Variants in TXNDC5 observed in about 807,000 individuals in gnomAD.
TXNDC5 encodes the protein thioredoxin domain containing 5, also known as thioredoxin domain-containing protein 5.
Under a neutral mutation model 52.6 loss-of-function variants are expected in TXNDC5, and 44 were observed. The ratio of observed to expected loss-of-function variants is 0.84; its 90% confidence interval spans 0.66 to 1.08. The LOEUF is 1.08. Among genes scored for constraint, TXNDC5 ranks in the 50% least tolerant of loss-of-function variants. The pLI is 0.00. For synonymous variants in TXNDC5, 241 were observed against 234.4 expected (o/e 1.03, Z -0.26); for missense variants, 600 against 565.5 (o/e 1.06, Z -0.62).
Position 7,882,964 on chromosome 6 carries a change from TAATA to T in TXNDC5, c.*176_*179del, listed in dbSNP as rs1470697455. On this transcript the variant is annotated 3_prime_UTR_variant, in exon 10 of 10. Transcript: ENST00000379757. ...CACATTTACTTAGAGAAACTTAACT[TAATA>T]AAGAATCTGTAGAGTGTGTTGGCTT... 2 of 732,024 alleles carry T rather than the reference TAATA, an allele frequency of 2.7e-6. No individual in the cohort carries two copies. Among genetic ancestry groups the T allele is most frequent in the Admixed American group, 3.1e-5 (1 of 32,458 alleles). 45.3% of individuals were successfully genotyped at this position (732,024 alleles called of 1,614,324 possible). A position where few individuals can be genotyped will look rare whatever the true frequency, so the allele number is the denominator to read the frequency against.
In TXNDC5 at chr6:7,882,046, C is replaced by T. The variant is rs1759764428; in HGVS notation, c.*1098G>A. 1 of 152,674 alleles carries T rather than the reference C, an allele frequency of 6.5e-6. No individual in the cohort carries two copies. The highest frequency in any genetic ancestry group is 2.4e-5 in the African/African-American group (1 of 41,440). The allele number at this position is 152,674 out of a possible 1,614,324, so 9.5% of individuals were successfully genotyped here. ...GCTGCCACAGCCGTGCACACCAGGG[C>T]CAGAGCAGCCCACTGACATCTGTCT... On this transcript the variant is annotated 3_prime_UTR_variant, in exon 10 of 10. Transcript: ENST00000379757.
intron 2 of TXNDC5, among the ~76,000 whole-genome samples, chr6:7,900,552 C>T (rs989344646): frequency 6.6e-5 from 10 of 152,182 alleles, no homozygotes; most frequent in Non-Finnish European, 8.8e-5. Flanking sequence ...GCCCAATGTA[C>T]GGTATCAGAA....
rs886340581 is a variant in TXNDC5 at position 7,885,027 on chromosome 6, C to G, written c.1047-539G>C. On this transcript the variant is annotated intron_variant, in intron 8 of 9. Coordinates refer to ENST00000379757, the MANE Select transcript of TXNDC5 (RefSeq NM_030810.5). ...GTTCCCTTGTCTCTTCTGACCCCCT[C>G]CTGCCGTATGGATGGCTCCCCTTCA... 1.1e-4 allele frequency among the ~76,000 whole-genome samples: 16 copies of G among 152,204 alleles called. 1 individual carries two copies. The highest frequency in any genetic ancestry group is 2.9e-4 in the African/African-American group (12 of 41,458).
chr6:7,894,628 T>C (rs1190659832), intron 4 of TXNDC5: 2 of 802,802 alleles, frequency 2.5e-6, no homozygotes, highest in East Asian at 2.5e-4. Context: ...GCATTACTTC[T>C]TTAAAAACAA....
At chr6:7,907,019 G>T (rs1272556830) in intron 1 of TXNDC5, among the ~76,000 whole-genome samples, 1 of 152,198 alleles carries the variant, frequency 6.6e-6, no homozygotes, top group Non-Finnish European at 1.5e-5. Context: ...ACTGACTGGG[G>T]CGGTGTCCAA....
chr6:7,900,048 A>G (rs1169436820), intron 2 of TXNDC5: 2 of 158,236 alleles, frequency 1.3e-5, no homozygotes, highest in African/African-American at 4.8e-5. Context: ...TCTGTGTTCA[A>G]ATTAGGACTG....
At chr6:7,885,928 G>GACAAAGTAGTTTCTAATTAA (rs745436216) in intron 8 of TXNDC5, 33 bp downstream of exon 8, 1 of 1,601,112 alleles carries the variant, frequency 6.2e-7, no homozygotes, top group Non-Finnish European at 8.6e-7. Context: ...AGTACACATG[G>GACAAAGTAGTTTCTAATTAA]ACAAAGTAGT....
intron 4 of TXNDC5, among the ~76,000 whole-genome samples, chr6:7,894,099 G>A (rs562802132): frequency 2.2e-4 from 34 of 152,150 alleles, no homozygotes; most frequent in Non-Finnish European, 4.1e-4. Context: ...ATGTTATAAC[G>A]GTGTCATTAA....
At chr6:7,904,772 A>T in intron 1 of TXNDC5, 49 bp from the exon 2 acceptor site, 1 of 1,612,000 alleles carries the variant, frequency 6.2e-7, no homozygotes, top group Non-Finnish European at 8.5e-7. Flanking sequence ...GTCACAGGGC[A>T]GCTGGCCCAC....
At chr6:7,910,241 C>G (rs1164681011) in intron 1 of TXNDC5, among the ~76,000 whole-genome samples, 1 of 151,386 alleles carries the variant, frequency 6.6e-6, no homozygotes, top group Non-Finnish European at 1.5e-5. Context: ...CCCTGCAGTC[C>G]CCGGCTCCCG....
At chr6:7,903,057 C>A (rs1213594214) in intron 2 of TXNDC5, among the ~76,000 whole-genome samples, 2 of 152,110 alleles carry the variant, frequency 1.3e-5, no homozygotes, top group African/African-American at 4.8e-5. Flanking sequence ...GTGTGTGATG[C>A]ACATAGTCTC....
chr6:7,903,960 C>T (rs1013488782), intron 2 of TXNDC5, among the ~76,000 whole-genome samples: 2 of 152,196 alleles, frequency 1.3e-5, no homozygotes, highest in South Asian at 2.1e-4. Context: ...CCTGGAAAGC[C>T]GTCATCTCAA....
intron 2 of TXNDC5, among the ~76,000 whole-genome samples, chr6:7,901,430 G>GTA (rs71542892): frequency 0.037 from 5,670 of 152,292 alleles, 195 homozygotes; most frequent in African/African-American, 0.092. Flanking sequence ...GTAAAATACA[G>GTA]TAAGACCTAG....
At position 7,881,587 on chromosome 6, in the gene TXNDC5, T is replaced by C. The variant is rs1759739818; in HGVS notation, c.*1557A>G. On this transcript the variant is annotated 3_prime_UTR_variant, in exon 10 of 10. Coordinates refer to ENST00000379757, the MANE Select transcript of TXNDC5 (RefSeq NM_030810.5). ...AACAAATTGTACCACTTTGATTTTC[T>C]TGGAATACAAGACTCGTGATGCAAA... is the stretch of plus-strand genomic sequence containing the variant. 1 of 152,284 alleles carries C rather than the reference T, an allele frequency of 6.6e-6. No homozygotes were observed. Among genetic ancestry groups the C allele is most frequent in the African/African-American group, 2.4e-5 (1 of 41,456 alleles). 9.4% of individuals were successfully genotyped at this position (152,284 alleles called of 1,614,324 possible).
intron 1 of TXNDC5, among the ~76,000 whole-genome samples, chr6:7,905,087 A>G (rs1760690157): frequency 6.6e-6 from 1 of 152,124 alleles, no homozygotes; most frequent in Admixed American, 6.5e-5. Flanking sequence ...TTCCCAAAGG[A>G]CTATAGCTTG....
At chr6:7,892,358 G>T (rs146231764) in intron 4 of TXNDC5, among the ~76,000 whole-genome samples, 1 of 152,222 alleles carries the variant, frequency 6.6e-6, no homozygotes, top group Non-Finnish European at 1.5e-5. Flanking sequence ...TCTGGACCAC[G>T]GGGAGCTCTA....
At chr6:7,902,944 T>C (rs370076569) in intron 2 of TXNDC5, among the ~76,000 whole-genome samples, 5 of 152,244 alleles carry the variant, frequency 3.3e-5, no homozygotes, top group Non-Finnish European at 7.3e-5. Context: ...ACAGCTGTTA[T>C]GGCCAGGCTG....
At chr6:7,883,965 C>A (rs1483897431) in intron 9 of TXNDC5, among the ~76,000 whole-genome samples, 1 of 151,984 alleles carries the variant, frequency 6.6e-6, no homozygotes, top group Admixed American at 6.6e-5. Flanking sequence ...GATTCAGCCA[C>A]TGCATTTTAT....
At chr6:7,906,765 A>G (rs1345713382) in intron 1 of TXNDC5, among the ~76,000 whole-genome samples, 6 of 136,044 alleles carry the variant, frequency 4.4e-5, no homozygotes, top group South Asian at 2.1e-4. Context: ...AGGAAACAAG[A>G]AAAAAAAAAA....
Sources: allele counts gnomAD v4.1 joint callset (sites outside exome capture counted in the v4.1 genomes callset), GRCh38; gene constraint gnomAD v4.1.1; transcripts MANE v1.5; gene names NCBI Gene and HGNC (gene_info 2026-07-23, HGNC 2026-07-21).